Variants in CLSTN2 observed in about 807,000 individuals in gnomAD.
The protein encoded by CLSTN2 is calsyntenin 2, also known as calsyntenin-2.
CLSTN2 carries 48 observed loss-of-function variants against 101.2 expected under a neutral mutation model. That is an observed-to-expected ratio of 0.47 (90% CI 0.38 to 0.60). The LOEUF is 0.60. Among genes scored for constraint, CLSTN2 ranks in the 20% least tolerant of loss-of-function variants. The probability of loss-of-function intolerance (pLI) is 0.00; values close to 1 mark genes in which losing one functional copy is unlikely to be tolerated. For missense variants in CLSTN2, 1,160 were observed against 1,238.2 expected (o/e 0.94, Z 0.95); for synonymous variants, 481 against 463.6 (o/e 1.04, Z -0.48).
At chr3:140,553,102 G>A (rs1391634032) in intron 10 of CLSTN2, among the ~76,000 whole-genome samples, 1 of 152,208 alleles carries the variant, frequency 6.6e-6, no homozygotes, top group African/African-American at 2.4e-5. Flanking sequence ...GCATATGCCT[G>A]GGGGCTCCAA....
At chr3:140,105,419 T>C (rs934752471) in intron 1 of CLSTN2, among the ~76,000 whole-genome samples, 10 of 152,122 alleles carry the variant, frequency 6.6e-5, no homozygotes, top group Non-Finnish European at 1.5e-4. Context: ...CACATTTTGG[T>C]AGCTTTTGTA....
Position 140,176,033 on chromosome 3 carries a change from A to G in CLSTN2, c.192A>G (p.Pro64=). 1 of 1,613,838 alleles carries G rather than the reference A, an allele frequency of 6.2e-7. No individual in the cohort carries two copies. Among genetic ancestry groups the G allele is most frequent in the Non-Finnish European group, 8.5e-7 (1 of 1,179,832 alleles). ...ATGACACAGTCATTTTGGACCCACCACTGGTAGCCCTGGATAAAGATGCAC... is the reference window on the plus strand; with the variant it reads ...ATGACACAGTCATTTTGGACCCACCGCTGGTAGCCCTGGATAAAGATGCAC... ...ENNDTVILDP[P]LVALDKDAPV... is the part of the protein sequence containing the mutation. The change falls in exon 2 of 17, where the codon CCA becomes CCG. Residue 64 remains proline, a synonymous_variant. Transcript: ENST00000458420.
chr3:140,435,330 G>A (rs969635182), intron 5 of CLSTN2, among the ~76,000 whole-genome samples: 1 of 151,904 alleles, frequency 6.6e-6, no homozygotes, highest in African/African-American at 2.4e-5. Context: ...TTGTCTTTCT[G>A]TGCTTGACTT....
chr3:140,414,593 TA>T (rs541693381), intron 4 of CLSTN2, among the ~76,000 whole-genome samples: 88 of 151,728 alleles, frequency 5.8e-4, no homozygotes, highest in Admixed American at 4.5e-3. Flanking sequence ...TGGGAAGGGA[TA>T]AAAAAAACTA....
intron 2 of CLSTN2, among the ~76,000 whole-genome samples, chr3:140,230,047 G>T (rs538562133): frequency 2.6e-5 from 4 of 152,134 alleles, no homozygotes; most frequent in African/African-American, 7.2e-5. Flanking sequence ...AGCTGCTTGA[G>T]GTATCTTTCT....
rs532285851 is a variant in CLSTN2, at chr3:140,498,929, G to A, written c.1344+32198G>A. On this transcript the variant is annotated intron_variant, in intron 8 of 16. Transcript: ENST00000458420. Reference sequence around the variant, plus strand: ...ATGCCTTTGGAATCCCCAGCACTGAGCACTCTGTCTGGCATTGTGAGCACT... The same window carrying A: ...ATGCCTTTGGAATCCCCAGCACTGAACACTCTGTCTGGCATTGTGAGCACT... 4.0e-5 allele frequency among the ~76,000 whole-genome samples: 6 copies of A among 150,694 alleles called. No homozygotes were observed. The South Asian group carries it at 1.3e-3, about 32-fold the overall frequency.
chr3:140,293,347 T>TA (rs1255418466), intron 2 of CLSTN2, among the ~76,000 whole-genome samples: 2 of 152,138 alleles, frequency 1.3e-5, no homozygotes, highest in African/African-American at 4.8e-5. Flanking sequence ...TGGTCATTCC[T>TA]ACTTCCTATC....
chr3:140,557,112 CTT>C (rs1935813485), intron 11 of CLSTN2: 1 of 154,436 alleles, frequency 6.5e-6, no homozygotes, highest in Non-Finnish European at 1.4e-5. Context: ...AGGCATGGTT[CTT>C]GTTTCCAAGG....
chr3:140,314,062 T>C (rs530177451), intron 2 of CLSTN2, among the ~76,000 whole-genome samples: 3 of 152,312 alleles, frequency 2.0e-5, no homozygotes, highest in South Asian at 4.1e-4. Context: ...CTCTACCATT[T>C]GTAGAGCAAA....
chr3:140,117,220 G>A (rs150766726), intron 1 of CLSTN2, among the ~76,000 whole-genome samples: 65 of 152,222 alleles, frequency 4.3e-4, no homozygotes, highest in African/African-American at 1.3e-3. Flanking sequence ...CCTGCCCGCC[G>A]TGGTTGCCTC....
intron 1 of CLSTN2, among the ~76,000 whole-genome samples, chr3:140,162,349 C>T (rs1576450975): frequency 1.3e-5 from 2 of 152,106 alleles, no homozygotes; most frequent in African/African-American, 4.8e-5. Flanking sequence ...ATATTTACAT[C>T]CAGTATAGTA....
intron 1 of CLSTN2, among the ~76,000 whole-genome samples, chr3:140,135,054 A>C (rs1004786817): frequency 6.8e-6 from 1 of 146,140 alleles, no homozygotes; most frequent in Non-Finnish European, 1.5e-5. Flanking sequence ...GATGTTTCAC[A>C]TAACAATAGT....
At chr3:140,523,470 T>A (rs1935077639) in intron 8 of CLSTN2, among the ~76,000 whole-genome samples, 1 of 152,194 alleles carries the variant, frequency 6.6e-6, no homozygotes, top group Non-Finnish European at 1.5e-5. Context: ...TTTTTTATTT[T>A]TGTTTTCTTC....
chr3:140,132,639 T>A (rs2009540408), intron 1 of CLSTN2, among the ~76,000 whole-genome samples: 1 of 152,230 alleles, frequency 6.6e-6, no homozygotes, highest in South Asian at 2.1e-4. Context: ...CATGTGAAAG[T>A]CTAGCACAAA....
intron 1 of CLSTN2, among the ~76,000 whole-genome samples, chr3:140,122,731 T>C (rs1223349232): frequency 6.6e-6 from 1 of 152,212 alleles, no homozygotes; most frequent in Non-Finnish European, 1.5e-5. Context: ...CCTGTTCCCT[T>C]GGTTTCCTAG....
intron 4 of CLSTN2, among the ~76,000 whole-genome samples, chr3:140,411,869 C>T (rs1478042327): frequency 5.3e-5 from 8 of 152,292 alleles, no homozygotes; most frequent in Non-Finnish European, 5.9e-5. Context: ...GGTTTTAGTA[C>T]GTACAGATTC....
chr3:140,018,610 CTG>C (rs1450447079), intron 1 of CLSTN2, among the ~76,000 whole-genome samples: 1 of 152,152 alleles, frequency 6.6e-6, no homozygotes, highest in East Asian at 1.9e-4. Context: ...AGTAGGTAGT[CTG>C]TGGGTTAGCT....
intron 2 of CLSTN2, among the ~76,000 whole-genome samples, chr3:140,234,221 T>G (rs556968774): frequency 1.3e-5 from 2 of 152,356 alleles, no homozygotes; most frequent in East Asian, 3.9e-4. Flanking sequence ...TTTATGTTTT[T>G]GTAAGTACTT....
chr3:140,542,354 T>C (rs1036569028), intron 9 of CLSTN2, among the ~76,000 whole-genome samples: 2 of 152,210 alleles, frequency 1.3e-5, no homozygotes, highest in Non-Finnish European at 2.9e-5. Flanking sequence ...CAGAAAATGC[T>C]TTAAAAATGG....
Sources: gnomAD v4.1 joint callset for allele counts (sites outside exome capture counted in the v4.1 genomes callset) on GRCh38, gnomAD v4.1.1 for gene constraint, MANE v1.5 for transcripts, NCBI Gene and HGNC (gene_info 2026-07-23, HGNC 2026-07-21) for gene names.